MAPKAPK3: variants seen among roughly 807,000 people sequenced by gnomAD.
MAPKAPK3 encodes the protein MAPK activated protein kinase 3, also known as MAP kinase-activated protein kinase 3.
MAPKAPK3 carries 35 observed loss-of-function variants against 49.2 expected under a neutral mutation model. That is an observed-to-expected ratio of 0.71 (90% CI 0.54 to 0.94). MAPKAPK3 has a LOEUF of 0.94. MAPKAPK3 is among the 40% of genes least tolerant of loss of function. The pLI is 0.00. For missense variants in MAPKAPK3, 398 were observed against 493.1 expected, an observed-to-expected ratio of 0.81 and a Z score of 1.83; for synonymous variants, 178 against 188.7, an observed-to-expected ratio of 0.94 and a Z score of 0.46.
intron 2 of MAPKAPK3, among the ~76,000 whole-genome samples, chr3:50,634,536 T>C (rs567001581): frequency 2.0e-5 from 3 of 152,034 alleles, no homozygotes; most frequent in African/African-American, 7.2e-5. Flanking sequence ...TTGCCCAGGC[T>C]GGAGTGCAAT....
intron 1 of MAPKAPK3, 92 bp downstream of exon 1, chr3:50,617,333 GCGGTGCT>G (rs1163697346): frequency 4.7e-6 from 2 of 424,768 alleles, no homozygotes; most frequent in Non-Finnish European, 8.4e-6. Flanking sequence ...ACGTGCCCGG[GCGGTGCT>G]CGCTTGTACC....
upstream of MAPKAPK3, chr3:50,617,103 A>AGGGGGGGGGG (rs1190798096): frequency 1.5e-4 from 1 of 6,678 alleles, no homozygotes; most frequent in African/African-American, 4.4e-4. Context: ...GGAGTGGGGG[A>AGGGGGGGGGG]GGGGGGGGTG....
intron 2 of MAPKAPK3, among the ~76,000 whole-genome samples, chr3:50,621,533 G>A (rs1393761271): frequency 6.6e-6 from 1 of 151,336 alleles, no homozygotes; most frequent in African/African-American, 2.4e-5. Flanking sequence ...GGGAGGCGGA[G>A]GTTGCAGTGA....
At chr3:50,630,748 GCAGCTAT>G (rs1386261584) in intron 2 of MAPKAPK3, among the ~76,000 whole-genome samples, 1 of 152,236 alleles carries the variant, frequency 6.6e-6, no homozygotes, top group Non-Finnish European at 1.5e-5. Context: ...AAGGGGTGAA[GCAGCTAT>G]ACATGGTCCC....
At chr3:50,640,616 C>T in intron 3 of MAPKAPK3, 111 bp downstream of exon 3, 9 of 1,352,204 alleles carry the variant, frequency 6.7e-6, no homozygotes, top group Non-Finnish European at 9.0e-6. Flanking sequence ...ATCTGGGTGC[C>T]ACTGTAGCCC....
upstream of MAPKAPK3, chr3:50,611,550 T>A (rs1171685029): frequency 8.5e-6 from 13 of 1,521,548 alleles, no homozygotes; most frequent in Non-Finnish European, 1.1e-5. Flanking sequence ...GCCCTCCCAA[T>A]GCCCGGCAGC....
chr3:50,647,903 A>G lies in MAPKAPK3; in HGVS notation c.1006A>G (p.Thr336Ala), dbSNP rs1350141172. ...DHWDEVKEEM[T>A]SALATMRVDY... is the part of the protein sequence containing the mutation. The stretch of plus-strand genomic sequence containing the variant: ...TCCTGTCTGTCCCCAGGAGGAGATG[A>G]CCAGTGCCTTGGCCACTATGCGGGT... Residue 336 changes from threonine (T) to alanine (A), a missense_variant, in exon 11 of 11, where the codon ACC (threonine) becomes GCC (alanine). Around this residue, in one of 5 missense-constraint regions of MAPKAPK3, gnomAD observed 152 missense variants for 177.3 expected, o/e 0.86. Coordinates refer to ENST00000621469, the MANE Select transcript of MAPKAPK3 (RefSeq NM_001243925.2). 1.2e-6 allele frequency: 2 copies of G among 1,613,028 alleles called. No homozygotes were observed. The highest frequency in any genetic ancestry group is 1.7e-6 in the Non-Finnish European group (2 of 1,179,624).
rs2107598029 is a variant in MAPKAPK3 at position 50,642,233 on chromosome 3, C to T, written c.425-20C>T. 5 of 1,572,978 alleles carry T rather than the reference C, an allele frequency of 3.2e-6. No homozygotes were observed. The highest frequency in any genetic ancestry group is 2.2e-5 in the East Asian group (1 of 44,682). The stretch of plus-strand genomic sequence containing the variant: ...ACCTTTGACTGGCATCACTGACCCC[C>T]TCCTCCTCTGTTTCTGCAGAAGCTG... On this transcript the variant is annotated intron_variant, in intron 4 of 10. Transcript: ENST00000621469.
intron 2 of MAPKAPK3, among the ~76,000 whole-genome samples, chr3:50,638,251 G>A (rs1245422427): frequency 6.6e-6 from 1 of 151,866 alleles, no homozygotes; most frequent in Non-Finnish European, 1.5e-5. Context: ...AGGGGGAGGA[G>A]GCAAAGAAGG....
intron 2 of MAPKAPK3, among the ~76,000 whole-genome samples, chr3:50,622,097 C>T (rs1371341888): frequency 6.6e-6 from 1 of 152,202 alleles, no homozygotes; most frequent in East Asian, 1.9e-4. Context: ...TTTCCTTCCC[C>T]TTGATGCCAG....
intron 2 of MAPKAPK3, among the ~76,000 whole-genome samples, chr3:50,639,890 C>CTA (rs773899243): frequency 2.0e-5 from 3 of 152,190 alleles, no homozygotes; most frequent in African/African-American, 4.8e-5. Context: ...CACCAAGGGC[C>CTA]TACTATGTAC....
At chr3:50,632,997 C>T (rs139176604) in intron 2 of MAPKAPK3, among the ~76,000 whole-genome samples, 15 of 152,190 alleles carry the variant, frequency 9.9e-5, no homozygotes, top group Non-Finnish European at 2.1e-4. Context: ...CCAAGAGTCA[C>T]TGCAGACATC....
upstream of MAPKAPK3, among the ~76,000 whole-genome samples, chr3:50,615,121 T>G (rs1009994358): frequency 1.3e-5 from 2 of 152,184 alleles, no homozygotes; most frequent in Non-Finnish European, 2.9e-5. Context: ...CTCACCAGAA[T>G]GACATCTTGC....
intron 2 of MAPKAPK3, among the ~76,000 whole-genome samples, chr3:50,633,331 T>C (rs777649364): frequency 1.3e-5 from 2 of 151,980 alleles, no homozygotes; most frequent in African/African-American, 4.8e-5. Flanking sequence ...GACACACATA[T>C]GCCCACGGGC....
At chr3:50,644,071 T>G (rs934436996) in intron 5 of MAPKAPK3, among the ~76,000 whole-genome samples, 15 of 152,298 alleles carry the variant, frequency 9.8e-5, no homozygotes, top group Admixed American at 3.3e-4. Flanking sequence ...TACTGACTTA[T>G]GAGCAGCCTG....
chr3:50,611,803 G>A (rs1363459311), upstream of MAPKAPK3: 5 of 1,006,648 alleles, frequency 5.0e-6, no homozygotes, highest in African/African-American at 1.7e-5. Context: ...CCGCCTGCGA[G>A]GGCGAGGGGG....
chr3:50,644,547 C>T lies in MAPKAPK3; in HGVS notation c.628+15C>T, dbSNP rs1363937764. 1 of 1,613,686 alleles carries T rather than the reference C, an allele frequency of 6.2e-7. No individual in the cohort carries two copies. Among genetic ancestry groups the T allele is most frequent in the Admixed American group, 1.7e-5 (1 of 60,016 alleles). Reference sequence around the variant, plus strand: ...CTATTATGTGGGTGAGTCCTTCGGACATGAGTTGTAACTCCTCACCCCAAC... The same window carrying T: ...CTATTATGTGGGTGAGTCCTTCGGATATGAGTTGTAACTCCTCACCCCAAC... On this transcript the variant is annotated intron_variant, in intron 6 of 10. Coordinates refer to ENST00000621469, the MANE Select transcript of MAPKAPK3 (RefSeq NM_001243925.2).
intron 2 of MAPKAPK3, among the ~76,000 whole-genome samples, chr3:50,618,455 G>A (rs1255014642): frequency 6.6e-6 from 1 of 152,086 alleles, no homozygotes; most frequent in Non-Finnish European, 1.5e-5. Flanking sequence ...TGGAGACCTG[G>A]CATGCTGATA....
chr3:50,645,849 A>G (rs1249355673), intron 7 of MAPKAPK3, 64 bp downstream of exon 7: 3 of 1,409,464 alleles, frequency 2.1e-6, no homozygotes, highest in Non-Finnish European at 3.0e-6. Flanking sequence ...AGCCCTCAGG[A>G]CCACTTCTGT....
Sources: gnomAD v4.1 joint callset for allele counts (sites outside exome capture counted in the v4.1 genomes callset) on GRCh38, gnomAD v4.1.1 for gene constraint, gnomAD v4.1.1 regional missense constraint, MANE v1.5 for transcripts, NCBI Gene and HGNC (gene_info 2026-07-23, HGNC 2026-07-21) for gene names.